Variants in RASGEF1C observed in about 807,000 individuals in gnomAD.
RASGEF1C encodes RasGEF domain family member 1C.
In RASGEF1C, 27 loss-of-function variants were observed where a neutral mutation model predicts 58.1. The observed-to-expected ratio is 0.46, with a 90% CI of 0.34 to 0.64. RASGEF1C has a LOEUF of 0.64. Ranked by LOEUF, RASGEF1C falls within the 30% of genes least tolerant of loss-of-function variation. RASGEF1C has a pLI of 0.01. For synonymous variants in RASGEF1C, 243 were observed against 246.3 expected (o/e 0.99, Z 0.13); for missense variants, 502 against 605.1 (o/e 0.83, Z 1.79).
intron 1 of RASGEF1C, among the ~76,000 whole-genome samples, chr5:180,196,505 GAAAAAAAAAGAAA>G (rs1390388476): frequency 3.1e-5 from 4 of 127,940 alleles, no homozygotes; most frequent in Non-Finnish European, 5.1e-5. Flanking sequence ...TCTCAAAAAA[GAAAAAAAAAGAAA>G]AAAAAAAAAG....
chr5:180,130,393 G>C (rs1347366451), intron 4 of RASGEF1C, among the ~76,000 whole-genome samples: 1 of 152,326 alleles, frequency 6.6e-6, no homozygotes, highest in South Asian at 2.1e-4. Context: ...GGGAAGATGG[G>C]GAGTGGGGCG....
Position 180,114,081 on chromosome 5 carries a change from C to T in RASGEF1C, c.1179+365G>A, listed in dbSNP as rs1020663578. Among the ~76,000 whole-genome samples the T allele has an allele frequency of 1.1e-4, 17 of 152,284 alleles. No individual in the cohort carries two copies. In the East Asian group the frequency reaches 1.4e-3, roughly 12 times the overall value. The stretch of plus-strand genomic sequence containing the variant: ...AGCGTCCTCCTGCTACTCAAGGCTC[C>T]GCCTTTGGGCTGGTCCTGACCCCCA... On this transcript the variant is annotated intron_variant, in intron 11 of 13. Transcript: ENST00000361132.
At chr5:180,184,831 T>A (rs1366044882) in intron 1 of RASGEF1C, among the ~76,000 whole-genome samples, 1 of 152,150 alleles carries the variant, frequency 6.6e-6, no homozygotes, top group Non-Finnish European at 1.5e-5. Flanking sequence ...TGACAAAGGG[T>A]CATCCATAAA....
At chr5:180,145,263 G>C (rs1400374095) in intron 1 of RASGEF1C, among the ~76,000 whole-genome samples, 1 of 152,170 alleles carries the variant, frequency 6.6e-6, no homozygotes, top group Non-Finnish European at 1.5e-5. Flanking sequence ...TGGGATTACA[G>C]GCATGTGCCA....
chr5:180,173,028 C>A (rs1263063838), intron 1 of RASGEF1C, among the ~76,000 whole-genome samples: 1 of 152,178 alleles, frequency 6.6e-6, no homozygotes, highest in Non-Finnish European at 1.5e-5. Context: ...GCCCTTCTGT[C>A]CCCTGGCAGG....
chr5:180,207,632 C>CCGTCTGTCGCT (rs1554116875), intron 1 of RASGEF1C, among the ~76,000 whole-genome samples: 3 of 151,832 alleles, frequency 2.0e-5, no homozygotes, highest in African/African-American at 7.3e-5. Context: ...CCTCTCTCGC[C>CCGTCTGTCGCT]TGCCCTCCCT....
In RASGEF1C at chr5:180,118,953, C is replaced by T. The variant is rs1417979361; in HGVS notation, c.908-87G>A. On this transcript the variant is annotated intron_variant, in intron 8 of 13. Transcript: ENST00000361132. ...GCACCCCCTTGGACTGCACCCTGAC[C>T]AGGGCTGAGGTCTGCAGGGCTCAGC... 9 of 1,270,008 alleles carry T rather than the reference C, an allele frequency of 7.1e-6. No individual in the cohort carries two copies. In the African/African-American group the frequency reaches 1.0e-4, roughly 14 times the overall value. The allele number at this position is 1,270,008 out of a possible 1,614,324, so 78.7% of individuals were successfully genotyped here. A position where few individuals can be genotyped will look rare whatever the true frequency, so the allele number is the denominator to read the frequency against.
chr5:180,203,810 C>T (rs1702854439), intron 1 of RASGEF1C, among the ~76,000 whole-genome samples: 1 of 152,088 alleles, frequency 6.6e-6, no homozygotes, highest in African/African-American at 2.4e-5. Flanking sequence ...GCCTGGCCAA[C>T]ATGATGAAAC....
intron 10 of RASGEF1C, among the ~76,000 whole-genome samples, chr5:180,117,434 C>G (rs781376070): frequency 6.6e-6 from 1 of 152,226 alleles, no homozygotes; most frequent in African/African-American, 2.4e-5. Context: ...AAGCTGGAGA[C>G]AGACATGCAT....
At position 180,103,296 on chromosome 5, in the gene RASGEF1C, C is replaced by G. The variant is rs577715500; in HGVS notation, c.1304-1153G>C. ...GTTTCACCGTGTTAGCCAGGATGGTCTCGATCTCCTGACCTTGTGATCCGC... is the reference window on the plus strand; with the variant it reads ...GTTTCACCGTGTTAGCCAGGATGGTGTCGATCTCCTGACCTTGTGATCCGC... On this transcript the variant is annotated intron_variant, in intron 12 of 13. Transcript: ENST00000361132. Among the ~76,000 whole-genome samples the G allele has an allele frequency of 9.8e-5, 15 of 152,292 alleles. 1 individual carries two copies. The highest frequency in any genetic ancestry group is 5.8e-4 in the East Asian group (3 of 5,180).
intron 1 of RASGEF1C, among the ~76,000 whole-genome samples, chr5:180,193,009 G>C (rs1035673889): frequency 6.6e-6 from 1 of 151,666 alleles, no homozygotes; most frequent in African/African-American, 2.4e-5. Flanking sequence ...GCCTCCCAAA[G>C]TGCCAGGATT....
At chr5:180,173,890 G>A (rs1160077634) in intron 1 of RASGEF1C, among the ~76,000 whole-genome samples, 2 of 140,722 alleles carry the variant, frequency 1.4e-5, no homozygotes, top group African/African-American at 2.8e-5. Flanking sequence ...TCCAGCCTGG[G>A]CAACAGAGCG....
At chr5:180,110,032 C>A (rs896853597) in intron 12 of RASGEF1C, among the ~76,000 whole-genome samples, 1 of 152,208 alleles carries the variant, frequency 6.6e-6, no homozygotes, top group East Asian at 1.9e-4. Flanking sequence ...TGATTTGTGA[C>A]AGCACCAACA....
chr5:180,204,395 C>T (rs1171878591), intron 1 of RASGEF1C, among the ~76,000 whole-genome samples: 1 of 152,174 alleles, frequency 6.6e-6, no homozygotes, highest in Non-Finnish European at 1.5e-5. Context: ...GGACTTATTT[C>T]AGAAATGCAA....
At chr5:180,152,958 G>A (rs903066204) in intron 1 of RASGEF1C, among the ~76,000 whole-genome samples, 4 of 151,766 alleles carry the variant, frequency 2.6e-5, no homozygotes, top group African/African-American at 4.8e-5. Context: ...TCTGTACTGG[G>A]ATCAGCATAA....
chr5:180,183,399 T>C (rs1755944348), intron 1 of RASGEF1C, among the ~76,000 whole-genome samples: 1 of 149,146 alleles, frequency 6.7e-6, no homozygotes, highest in Non-Finnish European at 1.5e-5. Context: ...AATTAAGCAC[T>C]AAAATAACAC....
chr5:180,144,058 G>A (rs1288373293), intron 1 of RASGEF1C, among the ~76,000 whole-genome samples: 2 of 152,176 alleles, frequency 1.3e-5, no homozygotes, highest in African/African-American at 2.4e-5. Flanking sequence ...ACTGGTGCAC[G>A]AAGTACCTCG....
At chr5:180,120,121 G>A (rs1253580037) in intron 7 of RASGEF1C, among the ~76,000 whole-genome samples, 4 of 152,318 alleles carry the variant, frequency 2.6e-5, no homozygotes, top group Non-Finnish European at 5.9e-5. Flanking sequence ...ACACAGGTCG[G>A]TGTTGCTTGC....
At chr5:180,132,764 T>A (rs1463768667) in intron 4 of RASGEF1C, among the ~76,000 whole-genome samples, 4 of 150,982 alleles carry the variant, frequency 2.6e-5, no homozygotes, top group African/African-American at 9.7e-5. Context: ...AGGTCAGGAG[T>A]TCGAGACAAG....
Sources: allele counts gnomAD v4.1 joint callset (sites outside exome capture counted in the v4.1 genomes callset), GRCh38; gene constraint gnomAD v4.1.1; transcripts MANE v1.5; gene names NCBI Gene and HGNC (gene_info 2026-07-23, HGNC 2026-07-21).